Variants in ETV6 observed in about 807,000 individuals in gnomAD.
ETV6 encodes the protein ETS variant transcription factor 6, also known as transcription factor ETV6.
In ETV6, 16 loss-of-function variants were observed where a neutral mutation model predicts 51.1. The observed-to-expected ratio is 0.31, with a 90% confidence interval of 0.21 to 0.48. The LOEUF (loss-of-function observed/expected upper bound fraction) is 0.48. ETV6 is among the 20% of genes least tolerant of loss of function. The probability of loss-of-function intolerance (pLI) is 0.99; values close to 1 mark genes in which losing one functional copy is unlikely to be tolerated. For synonymous variants in ETV6, 240 were observed against 224.1 expected (o/e 1.07, Z -0.64); for missense variants, 458 against 594.8 (o/e 0.77, Z 2.39).
intron 2 of ETV6, among the ~76,000 whole-genome samples, chr12:11,828,839 G>A (rs572629804): frequency 2.2e-4 from 33 of 151,978 alleles, no homozygotes; most frequent in African/African-American, 7.5e-4. Context: ...TGATGCTTAC[G>A]TCACCATACA....
intron 1 of ETV6, among the ~76,000 whole-genome samples, chr12:11,674,474 C>T (rs1864376886): frequency 6.6e-6 from 1 of 151,590 alleles, no homozygotes; most frequent in Non-Finnish European, 1.5e-5. Context: ...GATTTAATAT[C>T]CAAAGAGGAG....
At chr12:11,693,135 G>A (rs1235022642) in intron 1 of ETV6, among the ~76,000 whole-genome samples, 2 of 152,132 alleles carry the variant, frequency 1.3e-5, no homozygotes, top group Non-Finnish European at 2.9e-5. Flanking sequence ...CCTCTCCTTG[G>A]GAGAGAAGAC....
chr12:11,871,498 C>G (rs1269916377), intron 5 of ETV6, among the ~76,000 whole-genome samples: 2 of 152,122 alleles, frequency 1.3e-5, no homozygotes, highest in African/African-American at 4.8e-5. Flanking sequence ...CCGGTACTGT[C>G]CCTTTTTTAT....
chr12:11,791,290 T>G (rs1204253174), intron 2 of ETV6, among the ~76,000 whole-genome samples: 1 of 152,192 alleles, frequency 6.6e-6, no homozygotes, highest in Non-Finnish European at 1.5e-5. Context: ...AAAAATCTCT[T>G]CACTGTTACT....
At chr12:11,852,478 T>C (rs753016016) in intron 3 of ETV6, among the ~76,000 whole-genome samples, 16 of 152,226 alleles carry the variant, frequency 1.1e-4, no homozygotes, top group Non-Finnish European at 2.2e-4. Flanking sequence ...GTTTATTCTT[T>C]TCCCGTCTAG....
chr12:11,819,483 T>C (rs1946044353), intron 2 of ETV6, among the ~76,000 whole-genome samples: 1 of 152,246 alleles, frequency 6.6e-6, no homozygotes, highest in Admixed American at 6.5e-5. Context: ...ATCTCTAGCC[T>C]GGGCCTTTCT....
chr12:11,764,254 A>T (rs1591657569), intron 2 of ETV6, among the ~76,000 whole-genome samples: 2 of 152,046 alleles, frequency 1.3e-5, no homozygotes, highest in African/African-American at 4.8e-5. Context: ...AAGCACTATA[A>T]TTTGCTTAGG....
chr12:11,856,342 T>C (rs911477355), intron 4 of ETV6, among the ~76,000 whole-genome samples: 23 of 152,222 alleles, frequency 1.5e-4, no homozygotes, highest in Non-Finnish European at 4.4e-5. Flanking sequence ...GTCATTGCCC[T>C]GCAGACCAGT....
At chr12:11,722,455 C>T (rs1398390963) in intron 1 of ETV6, among the ~76,000 whole-genome samples, 1 of 152,200 alleles carries the variant, frequency 6.6e-6, no homozygotes, top group Non-Finnish European at 1.5e-5. Flanking sequence ...ACACTGGAAG[C>T]AAAGCTTTCT....
intron 1 of ETV6, among the ~76,000 whole-genome samples, chr12:11,715,592 ACTC>A (rs1215460300): frequency 6.6e-6 from 1 of 152,092 alleles, no homozygotes; most frequent in Non-Finnish European, 1.5e-5. Context: ...TGTGCCATCT[ACTC>A]CTCTGCCCTG....
At chr12:11,849,283 G>GT (rs905616707) in intron 3 of ETV6, among the ~76,000 whole-genome samples, 180 of 151,604 alleles carry the variant, frequency 1.2e-3, no homozygotes, top group African/African-American at 4.1e-3. Context: ...ACTAATTTTT[G>GT]TTTTTTTTGT....
chr12:11,649,824 G>A lies in ETV6; in HGVS notation c.-304G>A, dbSNP rs1225190014. 6.6e-6 allele frequency: 1 copy of A among 151,896 alleles called. No individual in the cohort carries two copies. The highest frequency in any genetic ancestry group is 2.0e-4 in the South Asian group (1 of 5,024). 9.4% of individuals were successfully genotyped at this position (151,896 alleles called of 1,614,324 possible). On this transcript the variant is annotated 5_prime_UTR_variant, in exon 1 of 8. Transcript: ENST00000396373. ...GGGGGCGGGGGCGCCGGCTGCGGGT[G>A]GGAGGAGAGACCGGGAGGCCGGCCG...
intron 2 of ETV6, among the ~76,000 whole-genome samples, chr12:11,799,494 T>G (rs1302000945): frequency 6.6e-6 from 1 of 152,166 alleles, no homozygotes; most frequent in Non-Finnish European, 1.5e-5. Flanking sequence ...AACTTAAGTA[T>G]GAAAGAGAGG....
intron 2 of ETV6, among the ~76,000 whole-genome samples, chr12:11,810,645 G>T (rs1945899817): frequency 6.6e-6 from 1 of 152,218 alleles, no homozygotes. Context: ...CACAATTAGT[G>T]AAGTCCACAG....
chr12:11,713,304 G>A (rs1865207230), intron 1 of ETV6, among the ~76,000 whole-genome samples: 1 of 152,104 alleles, frequency 6.6e-6, no homozygotes, highest in African/African-American at 2.4e-5. Flanking sequence ...CAAATGTTTG[G>A]TAATCACCTT....
At chr12:11,760,995 A>T (rs17210559) in intron 2 of ETV6, among the ~76,000 whole-genome samples, 78,219 of 151,738 alleles carry the variant, frequency 0.52, 22,539 homozygotes, top group Admixed American at 0.68. Flanking sequence ...GAATAATAAC[A>T]AACTCTGCAC....
At chr12:11,749,432 C>T (rs888524303) in intron 1 of ETV6, among the ~76,000 whole-genome samples, 2 of 152,122 alleles carry the variant, frequency 1.3e-5, no homozygotes, top group African/African-American at 4.8e-5. Context: ...GTGGGACTCT[C>T]ACCACCACCC....
intron 1 of ETV6, among the ~76,000 whole-genome samples, chr12:11,701,295 C>T (rs1283303366): frequency 6.6e-6 from 1 of 152,190 alleles, no homozygotes; most frequent in Non-Finnish European, 1.5e-5. Flanking sequence ...CCCTTCTCCC[C>T]TCCCCCAGCC....
intron 1 of ETV6, among the ~76,000 whole-genome samples, chr12:11,664,516 T>C (rs1213211478): frequency 2.0e-5 from 3 of 151,852 alleles, no homozygotes; most frequent in Admixed American, 6.6e-5. Flanking sequence ...AAAAGAAGGG[T>C]AGTAAATGAA....
Sources: gnomAD v4.1 joint callset for allele counts (sites outside exome capture counted in the v4.1 genomes callset) on GRCh38, gnomAD v4.1.1 for gene constraint, MANE v1.5 for transcripts, NCBI Gene and HGNC (gene_info 2026-07-23, HGNC 2026-07-21) for gene names.